The following RABGEF1 variants were observed in gnomAD, a reference collection of about 807,000 sequenced individuals.
The protein encoded by RABGEF1 is rab5 GDP/GTP exchange factor.
RABGEF1 carries 26 observed loss-of-function variants against 57.3 expected under a neutral mutation model. The observed-to-expected ratio is 0.45, with a 90% CI of 0.33 to 0.63. RABGEF1 has a LOEUF of 0.63. Ranked by LOEUF, RABGEF1 falls within the 20% of genes least tolerant of loss-of-function variation. The pLI, the probability that RABGEF1 is intolerant of heterozygous loss-of-function variation, is 0.02. For synonymous variants in RABGEF1, 185 were observed against 210.7 expected, an observed-to-expected ratio of 0.88 and a Z score of 1.06; for missense variants, 464 against 607.6, an observed-to-expected ratio of 0.76 and a Z score of 2.48.
At chr7:66,704,374 G>C (rs949337929) in intron 1 of RABGEF1, among the ~76,000 whole-genome samples, 7 of 152,154 alleles carry the variant, frequency 4.6e-5, no homozygotes, top group Admixed American at 4.6e-4. Context: ...TTAATGGACT[G>C]ATGGATTTCT....
chr7:66,731,439 G>A (rs1337421961), intron 2 of RABGEF1, among the ~76,000 whole-genome samples: 1 of 152,096 alleles, frequency 6.6e-6, no homozygotes, highest in Non-Finnish European at 1.5e-5. Context: ...CTTGGAGGCT[G>A]TGCATGATGG....
chr7:66,763,022 G>A (rs1047922641), intron 1 of RABGEF1, among the ~76,000 whole-genome samples: 1 of 152,170 alleles, frequency 6.6e-6, no homozygotes, highest in African/African-American at 2.4e-5. Context: ...TTTTTTAAGA[G>A]ACAAGGTCTC....
At chr7:66,793,584 T>C (rs56232610) in intron 4 of RABGEF1, among the ~76,000 whole-genome samples, 2 of 152,232 alleles carry the variant, frequency 1.3e-5, no homozygotes, top group Non-Finnish European at 2.9e-5. Flanking sequence ...AAATGAAAGG[T>C]GTAAAACCAT....
intron 1 of RABGEF1, among the ~76,000 whole-genome samples, chr7:66,705,691 A>G (rs1793952695): frequency 6.6e-6 from 1 of 151,704 alleles, no homozygotes; most frequent in African/African-American, 2.4e-5. Flanking sequence ...TGATAGATAC[A>G]AGTGTTTTTT....
At chr7:66,742,862 C>T (rs1350305822) in intron 1 of RABGEF1, among the ~76,000 whole-genome samples, 1 of 152,168 alleles carries the variant, frequency 6.6e-6, no homozygotes, top group African/African-American at 2.4e-5. Flanking sequence ...CTGCCTCAAG[C>T]GTCCCAAGTG....
intron 2 of RABGEF1, among the ~76,000 whole-genome samples, chr7:66,714,101 C>A (rs1280584833): frequency 6.6e-6 from 1 of 152,134 alleles, no homozygotes; most frequent in Non-Finnish European, 1.5e-5. Context: ...TGGAAGTGTT[C>A]ATTTCCCTAT....
At chr7:66,728,031 C>T (rs1196273843) in intron 2 of RABGEF1, among the ~76,000 whole-genome samples, 1 of 152,180 alleles carries the variant, frequency 6.6e-6, no homozygotes, top group African/African-American at 2.4e-5. Flanking sequence ...CCCCCTTCCA[C>T]CTTTCCAGTG....
chr7:66,723,871 T>C (rs13247442), intron 2 of RABGEF1, among the ~76,000 whole-genome samples: 9,913 of 151,488 alleles, frequency 0.065, 527 homozygotes, highest in South Asian at 0.18. Flanking sequence ...TGAGCCACCA[T>C]GCCTGGCCAA....
intron 1 of RABGEF1, among the ~76,000 whole-genome samples, chr7:66,753,565 C>T (rs1224390551): frequency 6.6e-6 from 1 of 152,102 alleles, no homozygotes; most frequent in Non-Finnish European, 1.5e-5. Flanking sequence ...GCCAGGGTCT[C>T]TCTGCATCTC....
At chr7:66,793,898 G>T in intron 4 of RABGEF1, among the ~76,000 whole-genome samples, 1 of 152,212 alleles carries the variant, frequency 6.6e-6, no homozygotes, top group Non-Finnish European at 1.5e-5. Flanking sequence ...GGCCTGTGTA[G>T]ATGAAGTCTG....
At chr7:66,779,085 G>T (rs1809246180) in intron 3 of RABGEF1, among the ~76,000 whole-genome samples, 1 of 151,932 alleles carries the variant, frequency 6.6e-6, no homozygotes, top group Non-Finnish European at 1.5e-5. Context: ...ACTCCAGCCT[G>T]GGCAACAAAG....
At chr7:66,658,828 C>T in the RABGEF1 span, among the ~76,000 whole-genome samples, 27 of 152,024 alleles carry the variant, frequency 1.8e-4, no homozygotes, top group Admixed American at 3.9e-4. Flanking sequence ...CTCTGGCTCC[C>T]GGGTTCACGC....
At chr7:66,701,119 T>C (rs1419094112) in intron 1 of RABGEF1, among the ~76,000 whole-genome samples, 1 of 151,904 alleles carries the variant, frequency 6.6e-6, no homozygotes, top group Non-Finnish European at 1.5e-5. Flanking sequence ...GTGGCAGGTA[T>C]GATAGGAAGA....
chr7:66,730,416 G>A (rs1356511904), intron 2 of RABGEF1, among the ~76,000 whole-genome samples: 2 of 152,176 alleles, frequency 1.3e-5, no homozygotes, highest in East Asian at 3.8e-4. Flanking sequence ...TTTTTAGATA[G>A]AGTCTTGCTC....
the RABGEF1 span, among the ~76,000 whole-genome samples, chr7:66,658,157 C>G: frequency 1.3e-5 from 2 of 152,074 alleles, no homozygotes; most frequent in Non-Finnish European, 2.9e-5. Flanking sequence ...CATATGTACA[C>G]CAGCAAATTG....
chr7:66,678,955 C>T (rs181951331), upstream of RABGEF1, among the ~76,000 whole-genome samples: 344 of 152,300 alleles, frequency 2.3e-3, 2 homozygotes, highest in African/African-American at 8.1e-3. Context: ...CTCCTCTAAA[C>T]CAATAACCAA....
At chr7:66,780,863 G>T (rs1314142392) in intron 3 of RABGEF1, among the ~76,000 whole-genome samples, 1 of 152,054 alleles carries the variant, frequency 6.6e-6, no homozygotes, top group Non-Finnish European at 1.5e-5. Flanking sequence ...AACCACTTAA[G>T]CTCTTTTTCA....
intron 7 of RABGEF1, among the ~76,000 whole-genome samples, chr7:66,804,305 A>C (rs1417271199): frequency 1.3e-5 from 2 of 152,188 alleles, no homozygotes; most frequent in Non-Finnish European, 2.9e-5. Context: ...CCACATTTCT[A>C]AAAAGCAGTA....
chr7:66,801,865 C>T (rs1470082130), intron 7 of RABGEF1, among the ~76,000 whole-genome samples: 3 of 152,100 alleles, frequency 2.0e-5, no homozygotes, highest in Non-Finnish European at 2.9e-5. Flanking sequence ...AGTGGTCCCC[C>T]GGAGACATTG....
Sources: allele counts gnomAD v4.1 joint callset (sites outside exome capture counted in the v4.1 genomes callset), GRCh38; gene constraint gnomAD v4.1.1; transcripts MANE v1.5; gene names NCBI Gene and HGNC (gene_info 2026-07-23, HGNC 2026-07-21).